The following ZMIZ1 variants were observed in gnomAD, a reference collection of about 807,000 sequenced individuals.
ZMIZ1 encodes zinc finger MIZ-type containing 1.
In ZMIZ1, 17 loss-of-function variants were observed where a neutral mutation model predicts 113.9. That is an observed-to-expected ratio of 0.15 (90% confidence interval 0.10 to 0.22). ZMIZ1 has a LOEUF of 0.22. ZMIZ1 is among the 10% of genes least tolerant of loss of function. ZMIZ1 has a pLI of 1.00. For synonymous variants in ZMIZ1, 607 were observed against 603.1 expected, an observed-to-expected ratio of 1.01 and a Z score of -0.09; for missense variants, 1,059 against 1,477.8, an observed-to-expected ratio of 0.72 and a Z score of 4.65.
intron 3 of ZMIZ1, among the ~76,000 whole-genome samples, chr10:79,157,740 G>A (rs557310020): frequency 7.9e-5 from 12 of 152,282 alleles, no homozygotes; most frequent in African/African-American, 2.2e-4. Context: ...TGCAGGAGGC[G>A]GGGCAGCCAG....
At chr10:79,111,792 T>G (rs554215446) in intron 1 of ZMIZ1, among the ~76,000 whole-genome samples, 7 of 152,250 alleles carry the variant, frequency 4.6e-5, no homozygotes, top group African/African-American at 1.4e-4. Flanking sequence ...CAGGGAATGG[T>G]TTTTAAAATT....
chr10:79,103,020 A>G (rs1843419555), intron 1 of ZMIZ1, among the ~76,000 whole-genome samples: 1 of 152,210 alleles, frequency 6.6e-6, no homozygotes, highest in African/African-American at 2.4e-5. Flanking sequence ...AGCTCGTAGT[A>G]CGTGCAGTAC....
At chr10:79,162,275 G>C in intron 4 of ZMIZ1, 142 bp downstream of exon 4, 1 of 396,698 alleles carries the variant, frequency 2.5e-6, no homozygotes, top group Non-Finnish European at 4.4e-6. Context: ...AGCCACCTTT[G>C]CTGGGACCTC....
At position 79,266,668 on chromosome 10, in the gene ZMIZ1, C is replaced by G. The variant is rs770947955; in HGVS notation, c.281-10513C>G. On this transcript the variant is annotated intron_variant, in intron 7 of 24. Transcript: ENST00000334512. Reference sequence around the variant, plus strand: ...TCCTGGGGCCCAGTAGTCACTGCCCCCGGTCCGAGGACTGTGAGTCTCTGT... The same window carrying G: ...TCCTGGGGCCCAGTAGTCACTGCCCGCGGTCCGAGGACTGTGAGTCTCTGT... 7.2e-5 allele frequency among the ~76,000 whole-genome samples: 11 copies of G among 152,246 alleles called. No individual in the cohort carries two copies. The South Asian group carries it at 2.3e-3, about 32-fold the overall frequency.
At chr10:79,202,677 G>A (rs1848153125) in intron 5 of ZMIZ1, among the ~76,000 whole-genome samples, 1 of 152,224 alleles carries the variant, frequency 6.6e-6, no homozygotes, top group African/African-American at 2.4e-5. Flanking sequence ...CCGGGAGGTG[G>A]GGAACCTTTC....
rs942317459 is a variant in ZMIZ1 at position 79,071,477 on chromosome 10, C to G, written c.-337+2207C>G. On this transcript the variant is annotated intron_variant, in intron 1 of 24. Transcript: ENST00000334512. ...GCGCTGGTGAATTCCAGCCTGCGTT[C>G]GCTGGCGCTTGTACGGTCCCGGGAG... is the stretch of plus-strand genomic sequence containing the variant. Among the ~76,000 whole-genome samples, 3 of 152,318 alleles carry G rather than the reference C, an allele frequency of 2.0e-5. No homozygotes were observed. In the South Asian group the frequency reaches 6.2e-4, roughly 32 times the overall value.
chr10:79,143,666 C>T (rs960896520), intron 3 of ZMIZ1, among the ~76,000 whole-genome samples: 2 of 152,100 alleles, frequency 1.3e-5, no homozygotes, highest in South Asian at 4.1e-4. Context: ...TCCAGCATAA[C>T]AGTGAGCACT....
In ZMIZ1 at chr10:79,296,653, G is replaced by A. The variant is rs112959777; in HGVS notation, c.1413G>A (p.Lys471=). ...PPTVNMGQYY[K]PEQFNGQNNT... ...CGGTCAACATGGGGCAGTATTACAA[G>A]GTGAGTCCCAGCCTCGCCACCACCC... Residue 471 remains lysine (K), a splice_region_variant and synonymous_variant, in exon 13 of 25, where the codon AAG becomes AAA. Transcript: ENST00000334512. The surrounding 1 kb of genome is among the most constrained non-coding windows in gnomAD (Gnocchi z 4.1). 1.3e-6 allele frequency: 2 copies of A among 1,551,278 alleles called. No homozygotes were observed. The highest frequency in any genetic ancestry group is 1.7e-6 in the Non-Finnish European group (2 of 1,147,340).
At chr10:79,304,319 A>G in intron 19 of ZMIZ1, 144 bp downstream of exon 19, 1 of 1,168,626 alleles carries the variant, frequency 8.6e-7, no homozygotes. Flanking sequence ...TCACTCATTA[A>G]TTTCCGCCAT....
chr10:79,193,883 G>C (rs1847716968), intron 4 of ZMIZ1, among the ~76,000 whole-genome samples: 1 of 152,208 alleles, frequency 6.6e-6, no homozygotes, highest in Admixed American at 6.5e-5. Flanking sequence ...TGAGAGTAGT[G>C]AGGGCTAGGG....
At chr10:79,223,458 T>A (rs1352149996) in intron 7 of ZMIZ1, among the ~76,000 whole-genome samples, 1 of 152,158 alleles carries the variant, frequency 6.6e-6, no homozygotes, top group Non-Finnish European at 1.5e-5. Flanking sequence ...GGGGTTTGGC[T>A]TCCTTCCTCC....
At chr10:79,236,504 C>T (rs1028732923) in intron 7 of ZMIZ1, among the ~76,000 whole-genome samples, 2 of 152,140 alleles carry the variant, frequency 1.3e-5, no homozygotes, top group African/African-American at 2.4e-5. Flanking sequence ...TTCGAGCTGC[C>T]GTTGCCGTCT....
chr10:79,076,138 T>C (rs758945635), intron 1 of ZMIZ1, among the ~76,000 whole-genome samples: 1 of 152,222 alleles, frequency 6.6e-6, no homozygotes, highest in Non-Finnish European at 1.5e-5. Flanking sequence ...GGCCTTTCCT[T>C]TCCTAGCCCA....
At chr10:79,277,424 CA>C in intron 8 of ZMIZ1, 99 bp downstream of exon 8, 1 of 1,399,342 alleles carries the variant, frequency 7.1e-7, no homozygotes, top group Non-Finnish European at 9.4e-7. Flanking sequence ...TCTGTGCAAC[CA>C]TGAGGATGTT....
At chr10:79,071,960 T>C (rs1478610237) in intron 1 of ZMIZ1, among the ~76,000 whole-genome samples, 1 of 51,560 alleles carries the variant, frequency 1.9e-5, no homozygotes, top group Non-Finnish European at 3.6e-5. Context: ...TTGGTGGCAG[T>C]GACTGGGGGT....
intron 4 of ZMIZ1, among the ~76,000 whole-genome samples, chr10:79,182,578 GACCCCAGTGGATCCAA>G (rs1329607837): frequency 6.6e-6 from 1 of 152,216 alleles, no homozygotes; most frequent in Non-Finnish European, 1.5e-5. Context: ...CCAGCAAGGT[GACCCCAGTGGATCCAA>G]ACCCCTCTGG....
chr10:79,275,356 C>T (rs1852212162), intron 7 of ZMIZ1, among the ~76,000 whole-genome samples: 1 of 152,218 alleles, frequency 6.6e-6, no homozygotes, highest in Admixed American at 6.5e-5. Context: ...AGACTTAGCT[C>T]ATCCACCAGG....
At chr10:79,234,904 GA>G (rs1426785551) in intron 7 of ZMIZ1, among the ~76,000 whole-genome samples, 1 of 152,248 alleles carries the variant, frequency 6.6e-6, no homozygotes, top group Non-Finnish European at 1.5e-5. Flanking sequence ...TTCACTGGGG[GA>G]GAGGGGATTA....
intron 23 of ZMIZ1, among the ~76,000 whole-genome samples, chr10:79,309,383 A>G (rs1319175026): frequency 2.0e-5 from 3 of 152,172 alleles, no homozygotes; most frequent in Admixed American, 2.0e-4. Flanking sequence ...CTGCTCTCCC[A>G]GGGTGGGCAC....
Sources: gnomAD v4.1 joint callset for allele counts (sites outside exome capture counted in the v4.1 genomes callset) on GRCh38, gnomAD v4.1.1 for gene constraint, Gnocchi (gnomAD v3.1) non-coding constraint, MANE v1.5 for transcripts, NCBI Gene and HGNC (gene_info 2026-07-23, HGNC 2026-07-21) for gene names.